Variants in ARHGAP19 observed in about 807,000 individuals in gnomAD.
ARHGAP19 encodes the protein Rho GTPase activating protein 19.
A neutral mutation model predicts 60.9 loss-of-function variants in ARHGAP19; 48 were observed. The ratio of observed to expected loss-of-function variants is 0.79; its 90% confidence interval spans 0.62 to 1.00. The LOEUF (loss-of-function observed/expected upper bound fraction) is 1.00, where lower values mean the gene tolerates loss of function less well. ARHGAP19 is among the 50% of genes least tolerant of loss of function. ARHGAP19 has a pLI of 0.00. For missense variants in ARHGAP19, 562 were observed against 597.2 expected (o/e 0.94, Z 0.61); for synonymous variants, 209 against 215.5 (o/e 0.97, Z 0.27).
At chr10:97,255,096 C>T (rs1179054158) in intron 6 of ARHGAP19, among the ~76,000 whole-genome samples, 2 of 152,096 alleles carry the variant, frequency 1.3e-5, no homozygotes, top group Non-Finnish European at 2.9e-5. Flanking sequence ...TTAATGGGTA[C>T]AGAGTTTCAA....
intron 9 of ARHGAP19, 51 bp downstream of exon 9, chr10:97,235,164 ATT>A (rs1382734976): frequency 6.6e-7 from 1 of 1,505,978 alleles, no homozygotes; most frequent in East Asian, 2.3e-5. Flanking sequence ...GAAAAATCAC[ATT>A]GTTACATTTC....
chr10:97,271,565 G>A (rs146452611), intron 1 of ARHGAP19, among the ~76,000 whole-genome samples: 255 of 152,022 alleles, frequency 1.7e-3, no homozygotes, highest in African/African-American at 4.0e-3. Context: ...AACATAAAAA[G>A]AATCTCAACT....
intron 8 of ARHGAP19, among the ~76,000 whole-genome samples, chr10:97,237,007 G>A (rs1842390450): frequency 6.6e-6 from 1 of 152,062 alleles, no homozygotes; most frequent in African/African-American, 2.4e-5. Context: ...GCTCATGCCT[G>A]TAATCTCAGC....
chr10:97,255,407 T>C (rs923188847), intron 6 of ARHGAP19, among the ~76,000 whole-genome samples: 1 of 152,062 alleles, frequency 6.6e-6, no homozygotes, highest in Admixed American at 6.6e-5. Context: ...AAACCCTGTC[T>C]CTACAAAAAA....
intron 8 of ARHGAP19, among the ~76,000 whole-genome samples, chr10:97,240,584 G>C (rs915335402): frequency 3.3e-5 from 5 of 152,214 alleles, no homozygotes; most frequent in African/African-American, 9.6e-5. Context: ...CCAGGAGGTG[G>C]AGGCTGCAGT....
intron 4 of ARHGAP19, among the ~76,000 whole-genome samples, chr10:97,260,763 A>G (rs1249442646): frequency 2.6e-5 from 4 of 152,008 alleles, no homozygotes; most frequent in African/African-American, 7.2e-5. Context: ...CATTTGACCA[A>G]GAAATTCCAT....
chr10:97,233,692 A>G (rs1851070358), intron 9 of ARHGAP19, among the ~76,000 whole-genome samples: 1 of 151,856 alleles, frequency 6.6e-6, no homozygotes, highest in Non-Finnish European at 1.5e-5. Flanking sequence ...ACATGGTGAA[A>G]CCTCGTCTCT....
At chr10:97,244,458 T>C (rs1417785742) in intron 7 of ARHGAP19, among the ~76,000 whole-genome samples, 1 of 152,146 alleles carries the variant, frequency 6.6e-6, no homozygotes, top group Non-Finnish European at 1.5e-5. Flanking sequence ...CATTAATTTA[T>C]TCAACAATTC....
intron 4 of ARHGAP19, among the ~76,000 whole-genome samples, chr10:97,260,052 G>A (rs1352821565): frequency 6.6e-6 from 1 of 150,580 alleles, no homozygotes; most frequent in East Asian, 2.0e-4. Context: ...AGTCAGGATG[G>A]TCTCGATCTC....
At chr10:97,244,624 GGCAACTTA>G (rs1385910442) in intron 7 of ARHGAP19, among the ~76,000 whole-genome samples, 1 of 152,086 alleles carries the variant, frequency 6.6e-6, no homozygotes, top group Non-Finnish European at 1.5e-5. Flanking sequence ...TCCCACACAT[GGCAACTTA>G]ATACGACAAC....
chr10:97,287,469 C>G (rs1376586569), intron 1 of ARHGAP19, among the ~76,000 whole-genome samples: 1 of 152,196 alleles, frequency 6.6e-6, no homozygotes, highest in African/African-American at 2.4e-5. Flanking sequence ...TGGCCAGGTG[C>G]AGTGGCTCAC....
intron 1 of ARHGAP19, among the ~76,000 whole-genome samples, chr10:97,280,381 C>G (rs2134917684): frequency 6.6e-6 from 1 of 151,918 alleles, no homozygotes; most frequent in South Asian, 2.1e-4. Context: ...TGCACTCCAG[C>G]CAAGGTGACA....
At chr10:97,252,363 C>T (rs1384531657) in intron 6 of ARHGAP19, among the ~76,000 whole-genome samples, 1 of 151,126 alleles carries the variant, frequency 6.6e-6, no homozygotes. Context: ...TGGCTCACGC[C>T]TGTAATCCCA....
Position 97,245,768 on chromosome 10 carries a change from C to T in ARHGAP19, c.993+504G>A, listed in dbSNP as rs549280846. 2.0e-4 allele frequency among the ~76,000 whole-genome samples: 31 copies of T among 152,188 alleles called. No homozygotes were observed. In the South Asian group the frequency reaches 6.2e-3, roughly 31 times the overall value. On this transcript the variant is annotated intron_variant, in intron 7 of 11. Transcript: ENST00000358531. ...AATGAATTACATAAAATTGTCCTTT[C>T]GTTCCTATAAAATATGTAACACATT...
At chr10:97,235,965 AGATT>A (rs914399699) in intron 8 of ARHGAP19, among the ~76,000 whole-genome samples, 5 of 151,866 alleles carry the variant, frequency 3.3e-5, no homozygotes, top group African/African-American at 1.2e-4. Flanking sequence ...CTGCCTTTTC[AGATT>A]GTTGATGATG....
chr10:97,231,670 T>C (rs535163406), intron 9 of ARHGAP19, among the ~76,000 whole-genome samples: 3 of 152,340 alleles, frequency 2.0e-5, no homozygotes, highest in Admixed American at 6.5e-5. Context: ...TAATGTTCCA[T>C]TATCTGTATA....
At chr10:97,239,403 G>C (rs1199141659) in intron 8 of ARHGAP19, among the ~76,000 whole-genome samples, 1 of 152,102 alleles carries the variant, frequency 6.6e-6, no homozygotes, top group Non-Finnish European at 1.5e-5. Context: ...GGCTGAGGCA[G>C]GGGAATTGCT....
At chr10:97,251,431 G>A (rs1272989880) in intron 6 of ARHGAP19, among the ~76,000 whole-genome samples, 3 of 40,666 alleles carry the variant, frequency 7.4e-5, no homozygotes, top group Admixed American at 2.3e-4. Context: ...GAAGGGAAGG[G>A]GAAGGGGAGG....
intron 9 of ARHGAP19, 131 bp from the exon 10 acceptor site, chr10:97,230,005 C>T (rs1444736217): frequency 1.2e-5 from 8 of 645,480 alleles, no homozygotes; most frequent in Non-Finnish European, 2.1e-5. Flanking sequence ...TGTATGGACC[C>T]TCTCAGGCCA....
Sources: allele counts gnomAD v4.1 joint callset (sites outside exome capture counted in the v4.1 genomes callset), GRCh38; gene constraint gnomAD v4.1.1; transcripts MANE v1.5; gene names NCBI Gene and HGNC (gene_info 2026-07-23, HGNC 2026-07-21).